The following STK39 variants were observed in gnomAD, a reference collection of about 807,000 sequenced individuals.
STK39 encodes STE20/SPS1-related proline-alanine-rich protein kinase.
In STK39, 20 loss-of-function variants were observed where a neutral mutation model predicts 77.8. The observed-to-expected ratio is 0.26, with a 90% CI of 0.18 to 0.37. The LOEUF is 0.37. STK39 is among the 10% of genes least tolerant of loss of function. The pLI, the probability that STK39 is intolerant of heterozygous loss-of-function variation, is 1.00. For missense variants in STK39, 479 were observed against 656.5 expected, an observed-to-expected ratio of 0.73 and a Z score of 2.95; for synonymous variants, 246 against 234.1, an observed-to-expected ratio of 1.05 and a Z score of -0.47.
At position 168,224,269 on chromosome 2, in the gene STK39, G is replaced by A. The variant is rs756775914; in HGVS notation, c.208+22959C>T. ...TATGCTACAAGATAACTGATGAAGAGGCTCTATACATACATATGTACTGAT... is the reference window on the plus strand; with the variant it reads ...TATGCTACAAGATAACTGATGAAGAAGCTCTATACATACATATGTACTGAT... On this transcript the variant is annotated intron_variant, in intron 1 of 17. Transcript: ENST00000355999. Among the ~76,000 whole-genome samples, 47 of 151,966 alleles carry A rather than the reference G, an allele frequency of 3.1e-4. 1 individual carries two copies. Among genetic ancestry groups the A allele is most frequent in the Non-Finnish European group, 1.0e-4 (7 of 67,996 alleles).
chr2:168,142,068 A>G (rs759231578), intron 5 of STK39, among the ~76,000 whole-genome samples: 1 of 152,214 alleles, frequency 6.6e-6, no homozygotes, highest in Non-Finnish European at 1.5e-5. Context: ...GAATAAAAGT[A>G]TATATGTTTA....
chr2:168,081,715 C>T (rs1686236027), intron 10 of STK39, among the ~76,000 whole-genome samples: 1 of 152,134 alleles, frequency 6.6e-6, no homozygotes, highest in Admixed American at 6.5e-5. Context: ...AATTGTAACT[C>T]CCACAGTTCC....
intron 16 of STK39, among the ~76,000 whole-genome samples, chr2:167,977,410 T>G (rs528312145): frequency 6.6e-6 from 1 of 152,256 alleles, no homozygotes; most frequent in South Asian, 2.1e-4. Context: ...ACAGAGGTGA[T>G]GTACTGGTAA....
At chr2:168,112,313 T>TG (rs1687139877) in intron 10 of STK39, among the ~76,000 whole-genome samples, 1 of 152,122 alleles carries the variant, frequency 6.6e-6, no homozygotes, top group Admixed American at 6.6e-5. Flanking sequence ...GGTTTGGCTC[T>TG]GCAGCCCCAC....
At chr2:168,055,887 C>T (rs968270309) in intron 14 of STK39, among the ~76,000 whole-genome samples, 3 of 152,140 alleles carry the variant, frequency 2.0e-5, no homozygotes, top group Non-Finnish European at 4.4e-5. Flanking sequence ...ATATAAATTA[C>T]AAGGTGGCCC....
intron 12 of STK39, among the ~76,000 whole-genome samples, chr2:168,069,506 T>C (rs1272554290): frequency 6.6e-6 from 1 of 152,234 alleles, no homozygotes; most frequent in African/African-American, 2.4e-5. Context: ...TTCATTACCC[T>C]TGATTAAATA....
At chr2:168,202,723 C>A (rs1435671088) in intron 1 of STK39, among the ~76,000 whole-genome samples, 2 of 149,632 alleles carry the variant, frequency 1.3e-5, no homozygotes, top group East Asian at 3.9e-4. Context: ...ACTTCAGAAA[C>A]ATAATATGTG....
At chr2:167,971,242 C>T (rs1692335549) in intron 16 of STK39, among the ~76,000 whole-genome samples, 2 of 152,128 alleles carry the variant, frequency 1.3e-5, no homozygotes, top group South Asian at 2.1e-4. Context: ...CTGATCCAAA[C>T]TGGGTTTGGA....
At chr2:168,191,160 C>T (rs1268540870) in intron 1 of STK39, among the ~76,000 whole-genome samples, 1 of 152,170 alleles carries the variant, frequency 6.6e-6, no homozygotes, top group East Asian at 1.9e-4. Flanking sequence ...CAGCTATAGG[C>T]ACGTTGGCTT....
At chr2:168,135,130 A>C (rs1459560344) in intron 8 of STK39, among the ~76,000 whole-genome samples, 1 of 138,692 alleles carries the variant, frequency 7.2e-6, no homozygotes, top group Non-Finnish European at 1.6e-5. Context: ...AAACACTTAT[A>C]AACTTTTGAG....
intron 14 of STK39, among the ~76,000 whole-genome samples, chr2:168,051,415 G>A (rs1412467453): frequency 1.3e-5 from 2 of 152,082 alleles, no homozygotes; most frequent in African/African-American, 2.4e-5. Context: ...GCTGTTTAAG[G>A]TACTGACTAT....
At chr2:168,132,793 G>T (rs998890978) in intron 8 of STK39, among the ~76,000 whole-genome samples, 2 of 152,106 alleles carry the variant, frequency 1.3e-5, no homozygotes, top group South Asian at 4.2e-4. Flanking sequence ...TAGGATATGA[G>T]CCCTTCCAAG....
intron 4 of STK39, among the ~76,000 whole-genome samples, chr2:168,163,040 A>C (rs546130513): frequency 6.6e-6 from 1 of 152,082 alleles, no homozygotes; most frequent in Non-Finnish European, 1.5e-5. Flanking sequence ...AAAAAAAAGA[A>C]AAAGAAAAAT....
At chr2:167,980,101 T>C (rs767767261) in intron 16 of STK39, among the ~76,000 whole-genome samples, 30 of 152,348 alleles carry the variant, frequency 2.0e-4, no homozygotes, top group Admixed American at 5.2e-4. Context: ...ATGCAGCTAG[T>C]ACTACAAATT....
At chr2:168,242,557 AAAAATATAT>A (rs1274865059) in intron 1 of STK39, among the ~76,000 whole-genome samples, 604 of 59,108 alleles carry the variant, frequency 0.01, 34 homozygotes, top group African/African-American at 0.045. Context: ...AAAAAAAAAA[AAAAATATAT>A]ATATATATAT....
At chr2:168,053,219 T>C (rs1273091844) in intron 14 of STK39, among the ~76,000 whole-genome samples, 1 of 152,240 alleles carries the variant, frequency 6.6e-6, no homozygotes, top group Non-Finnish European at 1.5e-5. Flanking sequence ...ATATAAGTTT[T>C]GGTGCATTCA....
At chr2:168,162,630 T>C (rs554239894) in intron 4 of STK39, among the ~76,000 whole-genome samples, 1 of 152,272 alleles carries the variant, frequency 6.6e-6, no homozygotes, top group African/African-American at 2.4e-5. Context: ...TAATAATAGA[T>C]ATTATATTTC....
In STK39 at chr2:168,114,017, A is replaced by G. The variant is rs1365222348; in HGVS notation, c.1089+15524T>C. Among the ~76,000 whole-genome samples, 3 of 152,388 alleles carry G rather than the reference A, an allele frequency of 2.0e-5. No individual in the cohort carries two copies. In the East Asian group the frequency reaches 5.8e-4, roughly 29 times the overall value. On this transcript the variant is annotated intron_variant, in intron 10 of 17. Coordinates refer to ENST00000355999, the MANE Select transcript of STK39 (RefSeq NM_013233.3). Reference sequence around the variant, plus strand: ...TGTAACTGTTTAAAAAATACACTCAATAGGCTAACTTTCTAATTTCAACTT... The same window carrying G: ...TGTAACTGTTTAAAAAATACACTCAGTAGGCTAACTTTCTAATTTCAACTT...
At chr2:168,134,963 T>C (rs1687793549) in intron 8 of STK39, among the ~76,000 whole-genome samples, 2 of 152,226 alleles carry the variant, frequency 1.3e-5, no homozygotes, top group South Asian at 4.1e-4. Flanking sequence ...CTCTTCAACC[T>C]ACTCAAATCT....
Sources: allele counts gnomAD v4.1 joint callset (sites outside exome capture counted in the v4.1 genomes callset), GRCh38; gene constraint gnomAD v4.1.1; transcripts MANE v1.5; gene names NCBI Gene and HGNC (gene_info 2026-07-23, HGNC 2026-07-21).